Variants in ZNRF3 observed in about 807,000 individuals in gnomAD.
The protein encoded by ZNRF3 is zinc and ring finger 3.
In ZNRF3, 23 loss-of-function variants were observed where a neutral mutation model predicts 72.5. The observed-to-expected ratio is 0.32, with a 90% CI of 0.23 to 0.45. ZNRF3 has a LOEUF of 0.45. Among genes scored for constraint, ZNRF3 ranks in the 20% least tolerant of loss-of-function variants. The probability of loss-of-function intolerance (pLI) is 1.00; values close to 1 mark genes in which losing one functional copy is unlikely to be tolerated. For synonymous variants in ZNRF3, 610 were observed against 545.3 expected, an observed-to-expected ratio of 1.12 and a Z score of -1.65; for missense variants, 1,169 against 1,272.1, an observed-to-expected ratio of 0.92 and a Z score of 1.23.
chr22:29,050,198 C>T lies in ZNRF3; in HGVS notation c.2017C>T (p.Leu673=). 1 of 1,601,184 alleles carries T rather than the reference C, an allele frequency of 6.2e-7. No homozygotes were observed. Among genetic ancestry groups the T allele is most frequent in the Non-Finnish European group, 8.5e-7 (1 of 1,179,858 alleles). Residue 673 remains leucine, a synonymous_variant, in exon 8 of 9, where the codon CTG becomes TTG. Transcript: ENST00000544604. The part of the protein sequence containing the change: ...LEMNYSSNSS[L]EHRGPNSSTS... ...GATGAACTACAGCAGCAACTCCTCC[C>T]TGGAGCACAGGGGGCCCAATAGCTC...
chr22:29,035,406 C>T (rs2036849225), intron 2 of ZNRF3, among the ~76,000 whole-genome samples: 1 of 152,068 alleles, frequency 6.6e-6, no homozygotes, highest in Admixed American at 6.6e-5. Flanking sequence ...GGGAGATGGT[C>T]ATTAAAGGAG....
intron 1 of ZNRF3, among the ~76,000 whole-genome samples, chr22:28,941,461 A>T (rs1424066857): frequency 1.3e-5 from 2 of 152,164 alleles, no homozygotes; most frequent in East Asian, 1.9e-4. Context: ...TTTATTTTTT[A>T]AAATTTCTCG....
intron 2 of ZNRF3, among the ~76,000 whole-genome samples, chr22:29,021,313 G>A (rs28372482): frequency 3.0e-3 from 450 of 152,208 alleles, no homozygotes; most frequent in African/African-American, 0.01. Flanking sequence ...GAGGTATTAT[G>A]TTGCTCGATC....
chr22:28,898,706 C>T (rs2034046417), intron 1 of ZNRF3, among the ~76,000 whole-genome samples: 1 of 152,136 alleles, frequency 6.6e-6, no homozygotes, highest in African/African-American at 2.4e-5. Context: ...CCTTTGGAAG[C>T]TCTGGCATGG....
chr22:29,033,350 CAAAAAAAA>C (rs60310622), intron 2 of ZNRF3, among the ~76,000 whole-genome samples: 2 of 66,154 alleles, frequency 3.0e-5, no homozygotes, highest in Non-Finnish European at 5.5e-5. Context: ...GACTCCATCT[CAAAAAAAA>C]AAAAAAAAAA....
chr22:29,011,326 G>A lies in ZNRF3; in HGVS notation c.426+24125G>A, dbSNP rs141718420. ...CAGCAGGCTGGCTACATTATTCTGT[G>A]GTCAACCTCTTACAAATGGGGTGCT... On this transcript the variant is annotated intron_variant, in intron 2 of 8. Transcript: ENST00000544604. Among the ~76,000 whole-genome samples the A allele has an allele frequency of 7.3e-3, 1,116 of 152,256 alleles. 20 individuals are homozygous for A. The highest frequency in any genetic ancestry group is 0.026 in the African/African-American group (1,078 of 41,542).
intron 1 of ZNRF3, among the ~76,000 whole-genome samples, chr22:28,943,530 TGTGGCGGGGATATTA>T (rs2034989114): frequency 6.6e-6 from 1 of 152,196 alleles, no homozygotes; most frequent in Non-Finnish European, 1.5e-5. Context: ...TGTGTTTATG[TGTGGCGGGGATATTA>T]GTGCCGAATC....
chr22:28,994,430 C>T (rs962310013), intron 2 of ZNRF3, among the ~76,000 whole-genome samples: 5 of 150,720 alleles, frequency 3.3e-5, no homozygotes, highest in Admixed American at 6.6e-5. Context: ...CTCAGGTGAT[C>T]CACCCACCTC....
chr22:28,916,403 G>A (rs1176413726), intron 1 of ZNRF3, among the ~76,000 whole-genome samples: 7 of 152,162 alleles, frequency 4.6e-5, no homozygotes, highest in Non-Finnish European at 1.0e-4. Context: ...GGAGAGGGTA[G>A]AAATAACTCA....
At chr22:29,007,134 G>A (rs559980548) in intron 2 of ZNRF3, among the ~76,000 whole-genome samples, 10 of 152,284 alleles carry the variant, frequency 6.6e-5, no homozygotes, top group African/African-American at 2.4e-4. Flanking sequence ...CTTGAATAAC[G>A]TGTGTGGTCA....
chr22:28,997,432 G>C (rs2036062893), intron 2 of ZNRF3, among the ~76,000 whole-genome samples: 1 of 152,010 alleles, frequency 6.6e-6, no homozygotes, highest in Non-Finnish European at 1.5e-5. Context: ...GTGCTTACTG[G>C]TATCTAGTGG....
intron 1 of ZNRF3, among the ~76,000 whole-genome samples, chr22:28,888,253 T>G (rs566051290): frequency 1.3e-5 from 2 of 152,364 alleles, no homozygotes; most frequent in African/African-American, 4.8e-5. Flanking sequence ...TTTAGGAAAC[T>G]AATTCCTCTG....
chr22:28,972,882 T>C (rs2123814942), intron 1 of ZNRF3, among the ~76,000 whole-genome samples: 1 of 152,366 alleles, frequency 6.6e-6, no homozygotes, highest in East Asian at 1.9e-4. Context: ...TGGAGAAATA[T>C]GTATTCAGAT....
chr22:28,902,911 T>A (rs1424177401), intron 1 of ZNRF3, among the ~76,000 whole-genome samples: 1 of 152,188 alleles, frequency 6.6e-6, no homozygotes, highest in Non-Finnish European at 1.5e-5. Context: ...TATTCTAAAA[T>A]GGTAGCTTAT....
chr22:28,911,891 C>G (rs956130757), intron 1 of ZNRF3, among the ~76,000 whole-genome samples: 6 of 152,124 alleles, frequency 3.9e-5, no homozygotes, highest in African/African-American at 1.4e-4. Context: ...TTAGACATTT[C>G]TGGTTATTGA....
intron 1 of ZNRF3, among the ~76,000 whole-genome samples, chr22:28,968,870 A>G (rs1233585155): frequency 6.6e-5 from 10 of 152,050 alleles, no homozygotes; most frequent in Middle Eastern, 3.4e-3. Context: ...CGTTTGGAGG[A>G]AATGGTCTTC....
At chr22:28,935,166 CT>C (rs1265255988) in intron 1 of ZNRF3, among the ~76,000 whole-genome samples, 5 of 152,226 alleles carry the variant, frequency 3.3e-5, no homozygotes, top group African/African-American at 1.2e-4. Context: ...TTCTTCCTTT[CT>C]TTTTCTCTTA....
chr22:29,006,185 C>CAGT (rs1467193149), intron 2 of ZNRF3, among the ~76,000 whole-genome samples: 2 of 150,108 alleles, frequency 1.3e-5, no homozygotes, highest in East Asian at 3.9e-4. Flanking sequence ...CCAGTATTAC[C>CAGT]AGTGATCAAG....
chr22:28,977,203 A>G (rs536395611), intron 1 of ZNRF3, among the ~76,000 whole-genome samples: 2 of 152,340 alleles, frequency 1.3e-5, no homozygotes, highest in East Asian at 3.9e-4. Context: ...AGAGAACTCC[A>G]CAGTCTTCAG....
Sources: gnomAD v4.1 joint callset for allele counts (sites outside exome capture counted in the v4.1 genomes callset) on GRCh38, gnomAD v4.1.1 for gene constraint, MANE v1.5 for transcripts, NCBI Gene and HGNC (gene_info 2026-07-23, HGNC 2026-07-21) for gene names.